C8orf34: variants seen among roughly 807,000 people sequenced by gnomAD.
C8orf34 encodes the protein chromosome 8 open reading frame 34.
Under a neutral mutation model 68.3 loss-of-function variants are expected in C8orf34, and 65 were observed. That is an observed-to-expected ratio of 0.95 (90% confidence interval 0.78 to 1.17). The LOEUF (loss-of-function observed/expected upper bound fraction) is 1.17, where lower values mean the gene tolerates loss of function less well. C8orf34 is among the 50% of genes most tolerant of loss of function. The pLI is 0.00. For synonymous variants in C8orf34, 244 were observed against 241.2 expected, an observed-to-expected ratio of 1.01 and a Z score of -0.11; for missense variants, 664 against 655.4, an observed-to-expected ratio of 1.01 and a Z score of -0.14.
At chr8:68,486,982 C>T (rs1050773247) in intron 4 of C8orf34, among the ~76,000 whole-genome samples, 2 of 152,160 alleles carry the variant, frequency 1.3e-5, no homozygotes, top group Non-Finnish European at 2.9e-5. Context: ...CCTGCTCCAG[C>T]GCCCTGCCAC....
intron 5 of C8orf34, among the ~76,000 whole-genome samples, chr8:68,498,656 ATTT>A: frequency 6.6e-6 from 1 of 152,310 alleles, no homozygotes; most frequent in East Asian, 1.9e-4. Flanking sequence ...AAGAACTAGA[ATTT>A]TTGGCATGGG....
chr8:68,744,613 C>A lies in C8orf34; in HGVS notation c.1404+23176C>A, dbSNP rs554031291. Among the ~76,000 whole-genome samples the A allele has an allele frequency of 8.5e-5, 13 of 152,078 alleles. No individual in the cohort carries two copies. The South Asian group carries it at 1.2e-3, about 15-fold the overall frequency. On this transcript the variant is annotated intron_variant, in intron 10 of 13. Transcript: ENST00000518698. ...CAGAAGCCTCAGGAGCCGATGCGAT[C>A]AACTGGAAGAAAGAGTATCAGCGAT...
chr8:68,476,008 A>G (rs968501321), intron 4 of C8orf34, among the ~76,000 whole-genome samples: 2 of 152,216 alleles, frequency 1.3e-5, no homozygotes, highest in Admixed American at 1.3e-4. Flanking sequence ...AGCCAAGAGA[A>G]AAAAATAGCA....
intron 6 of C8orf34, among the ~76,000 whole-genome samples, chr8:68,523,002 C>G (rs899662782): frequency 6.6e-6 from 1 of 152,122 alleles, no homozygotes; most frequent in Non-Finnish European, 1.5e-5. Flanking sequence ...TTTGCGGTGA[C>G]TTATCACTTG....
chr8:68,568,767 T>C (rs1421699338), intron 7 of C8orf34, among the ~76,000 whole-genome samples: 1 of 152,174 alleles, frequency 6.6e-6, no homozygotes, highest in Non-Finnish European at 1.5e-5. Flanking sequence ...CGATAAATTT[T>C]AAAACTGAGC....
intron 7 of C8orf34, among the ~76,000 whole-genome samples, chr8:68,541,020 T>G (rs1392326009): frequency 6.6e-6 from 1 of 152,186 alleles, no homozygotes; most frequent in Non-Finnish European, 1.5e-5. Flanking sequence ...CCACCGACCC[T>G]AATTATATGA....
chr8:68,810,893 C>G (rs532538110), intron 12 of C8orf34, among the ~76,000 whole-genome samples: 1 of 152,156 alleles, frequency 6.6e-6, no homozygotes, highest in Non-Finnish European at 1.5e-5. Context: ...CTGGTCCATG[C>G]GTGCGCCTAG....
chr8:68,449,797 G>C (rs894033424), intron 3 of C8orf34, among the ~76,000 whole-genome samples: 1 of 152,044 alleles, frequency 6.6e-6, no homozygotes, highest in Admixed American at 6.6e-5. Flanking sequence ...GACAGATCAG[G>C]GTGTTGGCTA....
At chr8:68,745,873 C>T (rs1585817255) in intron 10 of C8orf34, among the ~76,000 whole-genome samples, 1 of 152,262 alleles carries the variant, frequency 6.6e-6, no homozygotes, top group East Asian at 1.9e-4. Context: ...CTCAGGTCTG[C>T]ACCAAGTGGA....
chr8:68,543,824 C>G (rs1815779723), intron 7 of C8orf34, among the ~76,000 whole-genome samples: 1 of 152,120 alleles, frequency 6.6e-6, no homozygotes, highest in Non-Finnish European at 1.5e-5. Flanking sequence ...CTGGCTGTAA[C>G]CCTCCACATT....
chr8:68,361,702 A>G (rs939830476), intron 1 of C8orf34, among the ~76,000 whole-genome samples: 5 of 152,258 alleles, frequency 3.3e-5, no homozygotes, highest in Admixed American at 2.6e-4. Context: ...TTCTAACTAT[A>G]TTGTTGGCTT....
rs1001052509 is a variant in C8orf34 at position 68,598,507 on chromosome 8, CAG to C, written c.1106-41867_1106-41866del. On this transcript the variant is annotated intron_variant, in intron 7 of 13. Coordinates refer to ENST00000518698, the MANE Select transcript of C8orf34 (RefSeq NM_052958.4). Reference sequence around the variant, plus strand: ...ACAGCTAACTTTGCTGACATGGAGACAGAAATCTGGATCATGGCTTTAGGGTA... The same window carrying C: ...ACAGCTAACTTTGCTGACATGGAGACAAATCTGGATCATGGCTTTAGGGTA... 5.3e-5 allele frequency among the ~76,000 whole-genome samples: 8 copies of C among 152,210 alleles called. 1 individual carries two copies. The highest frequency in any genetic ancestry group is 3.9e-4 in the Admixed American group (6 of 15,282).
intron 1 of C8orf34, among the ~76,000 whole-genome samples, chr8:68,430,513 T>C (rs1810410255): frequency 1.3e-5 from 2 of 152,184 alleles, no homozygotes; most frequent in Admixed American, 6.5e-5. Context: ...ATCTGAATCT[T>C]GTGAGACTGA....
chr8:68,443,005 C>T (rs1010621962), intron 2 of C8orf34, among the ~76,000 whole-genome samples: 2 of 152,146 alleles, frequency 1.3e-5, no homozygotes, highest in African/African-American at 4.8e-5. Context: ...GACACTTTTA[C>T]TTTACTGTTG....
intron 12 of C8orf34, among the ~76,000 whole-genome samples, chr8:68,809,756 C>T (rs1169413955): frequency 2.0e-5 from 3 of 152,138 alleles, no homozygotes; most frequent in Non-Finnish European, 4.4e-5. Context: ...ACTATTCCCT[C>T]GAGCAGATGT....
intron 1 of C8orf34, among the ~76,000 whole-genome samples, chr8:68,371,016 T>A (rs1807537116): frequency 6.6e-6 from 1 of 152,054 alleles, no homozygotes; most frequent in Admixed American, 6.6e-5. Flanking sequence ...GAAAGAGGTA[T>A]CCCATTGCAA....
chr8:68,718,996 A>G (rs1821554125), intron 9 of C8orf34, among the ~76,000 whole-genome samples: 1 of 152,172 alleles, frequency 6.6e-6, no homozygotes, highest in Non-Finnish European at 1.5e-5. Context: ...TAAAAAAATT[A>G]CTTACATTTG....
At chr8:68,649,838 C>G (rs1477293289) in intron 8 of C8orf34, among the ~76,000 whole-genome samples, 1 of 151,624 alleles carries the variant, frequency 6.6e-6, no homozygotes, top group Non-Finnish European at 1.5e-5. Context: ...CACTGTACAA[C>G]GTATGGAAAA....
chr8:68,468,578 A>G (rs1812245058), intron 3 of C8orf34, 114 bp from the exon 4 acceptor site: 2 of 1,004,526 alleles, frequency 2.0e-6, no homozygotes, highest in African/African-American at 3.4e-5. Flanking sequence ...TCTTCAAGAT[A>G]AACACTTTTT....
Sources: gnomAD v4.1 joint callset for allele counts (sites outside exome capture counted in the v4.1 genomes callset) on GRCh38, gnomAD v4.1.1 for gene constraint, MANE v1.5 for transcripts, NCBI Gene and HGNC (gene_info 2026-07-23, HGNC 2026-07-21) for gene names.